The following BIRC6 variants were observed in gnomAD, a reference collection of about 807,000 sequenced individuals.
The protein encoded by BIRC6 is dual E2 ubiquitin-conjugating enzyme/E3 ubiquitin-protein ligase BIRC6.
In BIRC6, 98 loss-of-function variants were observed where a neutral mutation model predicts 503.3. The ratio of observed to expected loss-of-function variants is 0.19; its 90% CI spans 0.17 to 0.23. The LOEUF is 0.23. BIRC6 is among the 10% of genes least tolerant of loss of function. The pLI, the probability that BIRC6 is intolerant of heterozygous loss-of-function variation, is 1.00. For missense variants in BIRC6, 5,360 were observed against 5,806.0 expected (o/e 0.92, Z 2.50); for synonymous variants, 2,240 against 2,078.7 (o/e 1.08, Z -2.11).
At chr2:32,590,819 A>G (rs1182983732) in intron 66 of BIRC6, 16 of 985,774 alleles carry the variant, frequency 1.6e-5, no homozygotes, top group Non-Finnish European at 1.9e-5. Flanking sequence ...AGTGATCACA[A>G]CCAGATTCAA....
At chr2:32,479,800 C>A (rs1169393107) in intron 37 of BIRC6, among the ~76,000 whole-genome samples, 183 bp downstream of exon 37, 1 of 152,092 alleles carries the variant, frequency 6.6e-6, no homozygotes, top group Non-Finnish European at 1.5e-5. Flanking sequence ...CAACAAAATG[C>A]TATAATTTCA....
At chr2:32,565,327 ACATACC>A (rs1456337287) in intron 65 of BIRC6, 1 of 152,244 alleles carries the variant, frequency 6.6e-6, no homozygotes, top group Non-Finnish European at 1.5e-5. Flanking sequence ...AAAATTCAAC[ACATACC>A]TAAATATACA....
intron 58 of BIRC6, 106 bp downstream of exon 58, chr2:32,525,125 C>G: frequency 9.8e-7 from 1 of 1,024,334 alleles, no homozygotes; most frequent in Admixed American, 3.7e-5. Context: ...ATATAAAAAG[C>G]TGACTCGTAA....
chr2:32,585,414 C>G (rs976006758), intron 66 of BIRC6, among the ~76,000 whole-genome samples: 3 of 151,250 alleles, frequency 2.0e-5, no homozygotes, highest in South Asian at 4.2e-4. Flanking sequence ...AAGTCTCACT[C>G]TGTCACCCAG....
At chr2:32,362,793 T>A (rs1315024483) in intron 1 of BIRC6, among the ~76,000 whole-genome samples, 3 of 142,038 alleles carry the variant, frequency 2.1e-5, no homozygotes, top group African/African-American at 5.8e-5. Flanking sequence ...TCTTAAAAAT[T>A]TTTTTTTTTT....
chr2:32,450,139 A>G (rs1574297392), intron 22 of BIRC6, among the ~76,000 whole-genome samples: 1 of 152,320 alleles, frequency 6.6e-6, no homozygotes, highest in East Asian at 1.9e-4. Flanking sequence ...TGAGGTCATC[A>G]AGTTTGCAAA....
At position 32,388,936 on chromosome 2, in the gene BIRC6, G is replaced by A; in HGVS notation, c.832G>A (p.Val278Ile). The A allele has an allele frequency of 6.3e-7, 1 of 1,579,002 alleles. No individual in the cohort carries two copies. The highest frequency in any genetic ancestry group is 1.2e-5 in the South Asian group (1 of 85,292). Residue 278 changes from valine (V) to isoleucine (I), a missense_variant, in exon 4 of 74, where the codon GTA (valine) becomes ATA (isoleucine). Transcript: ENST00000421745. ...ACTCGGAGTGGGGCCAGGCCGTTCTGTAGACAGGTATGAACCTTGCTAACA... is the reference window on the plus strand; with the variant it reads ...ACTCGGAGTGGGGCCAGGCCGTTCTATAGACAGGTATGAACCTTGCTAACA... ...PELGVGPGRS[V>I]DRSLMYSEAN...
chr2:32,498,291 C>G (rs2052730355), intron 45 of BIRC6, among the ~76,000 whole-genome samples: 1 of 152,110 alleles, frequency 6.6e-6, no homozygotes, highest in African/African-American at 2.4e-5. Context: ...TCTCGAACTC[C>G]TGAGCTCAAG....
chr2:32,443,727 G>A (rs2045664025), intron 20 of BIRC6, 139 bp downstream of exon 20: 18 of 678,514 alleles, frequency 2.7e-5, no homozygotes, highest in South Asian at 4.3e-5. Flanking sequence ...TGAAGGGATC[G>A]ATAGATTGTA....
At chr2:32,607,857 C>T (rs1164832265) in intron 72 of BIRC6, among the ~76,000 whole-genome samples, 5 of 149,540 alleles carry the variant, frequency 3.3e-5, no homozygotes, top group African/African-American at 9.9e-5. Context: ...TGGTGGCAGG[C>T]GCCTGTAATC....
At chr2:32,440,538 A>T (rs1016478486) in intron 16 of BIRC6, among the ~76,000 whole-genome samples, 1 of 152,102 alleles carries the variant, frequency 6.6e-6, no homozygotes, top group Non-Finnish European at 1.5e-5. Context: ...ACTGATACTG[A>T]TCAGTAATAC....
At chr2:32,375,968 G>A (rs2036712149) in intron 1 of BIRC6, among the ~76,000 whole-genome samples, 1 of 152,014 alleles carries the variant, frequency 6.6e-6, no homozygotes, top group East Asian at 1.9e-4. Context: ...GGCAGATCAG[G>A]AGGTCAGGAG....
chr2:32,539,417 C>T (rs2057487961), intron 61 of BIRC6, among the ~76,000 whole-genome samples: 1 of 152,148 alleles, frequency 6.6e-6, no homozygotes, highest in African/African-American at 2.4e-5. Context: ...GAAAGATAGA[C>T]AGTATGCTGG....
intron 66 of BIRC6, chr2:32,590,766 C>T (rs2061342847): frequency 9.2e-6 from 9 of 980,494 alleles, no homozygotes; most frequent in Non-Finnish European, 1.1e-5. Flanking sequence ...TAATTCTGTG[C>T]AATAGTGGAA....
intron 1 of BIRC6, among the ~76,000 whole-genome samples, chr2:32,364,190 C>T (rs191896421): frequency 1.3e-3 from 199 of 152,198 alleles, no homozygotes; most frequent in Middle Eastern, 6.8e-3. Context: ...CTTCAGTTTC[C>T]GAAGTGAATT....
In BIRC6 at chr2:32,464,500, C is replaced by T. The variant is rs1403298256; in HGVS notation, c.4942-9C>T. 1.3e-6 allele frequency: 2 copies of T among 1,552,342 alleles called. No individual in the cohort carries two copies. The highest frequency in any genetic ancestry group is 1.2e-5 in the South Asian group (1 of 84,580). On this transcript the variant is annotated splice_polypyrimidine_tract_variant and intron_variant, in intron 24 of 73. Transcript: ENST00000421745. Reference sequence around the variant, plus strand: ...TAGTCTATATATGTTGCTTTTACTTCTTTTGCAGAAAGCAAAGCTGGAAGC... The same window carrying T: ...TAGTCTATATATGTTGCTTTTACTTTTTTTGCAGAAAGCAAAGCTGGAAGC...
chr2:32,460,245 GATATATATAT>G lies in BIRC6; in HGVS notation c.4754-2930_4754-2921del, dbSNP rs1269564471. ...ATCTCATATGATATATCTCGTATAT[GATATATATAT>G]ATATATATATATATATATTTTTTTT... On this transcript the variant is annotated intron_variant, in intron 23 of 73. Coordinates refer to ENST00000421745, the MANE Select transcript of BIRC6 (RefSeq NM_016252.4). Among the ~76,000 whole-genome samples, 28 of 30,982 alleles carry G rather than the reference GATATATATAT, an allele frequency of 9.0e-4. 2 individuals carry two copies. The East Asian group carries it at 0.018, about 20-fold the overall frequency. The allele number at this position is 30,982 out of a possible 152,430, so 20.3% of individuals were successfully genotyped here. A position where few individuals can be genotyped will look rare whatever the true frequency, so the allele number is the denominator to read the frequency against.
intron 59 of BIRC6, chr2:32,529,050 A>G (rs2056514140): frequency 6.6e-6 from 1 of 152,234 alleles, no homozygotes; most frequent in Non-Finnish European, 1.5e-5. Flanking sequence ...ATGCTGTATT[A>G]AAATGAAATT....
intron 23 of BIRC6, among the ~76,000 whole-genome samples, chr2:32,461,963 A>T (rs533014402): frequency 6.6e-6 from 1 of 152,206 alleles, no homozygotes; most frequent in African/African-American, 2.4e-5. Flanking sequence ...CTTTGGCTTC[A>T]CATACGCTTT....
Sources: allele counts gnomAD v4.1 joint callset (sites outside exome capture counted in the v4.1 genomes callset), GRCh38; gene constraint gnomAD v4.1.1; transcripts MANE v1.5; gene names NCBI Gene and HGNC (gene_info 2026-07-23, HGNC 2026-07-21).